PDE11A: variants seen among roughly 807,000 people sequenced by gnomAD.
The protein encoded by PDE11A is phosphodiesterase 11A.
A neutral mutation model predicts 100.5 loss-of-function variants in PDE11A; 100 were observed. The observed-to-expected ratio is 1.00, with a 90% CI of 0.85 to 1.18. The LOEUF is 1.18. PDE11A is among the 50% of genes most tolerant of loss of function. The pLI, the probability that PDE11A is intolerant of heterozygous loss-of-function variation, is 0.00. For missense variants in PDE11A, 1,141 were observed against 1,152.6 expected (o/e 0.99, Z 0.15); for synonymous variants, 381 against 420.8 (o/e 0.91, Z 1.16).
Position 178,061,209 on chromosome 2 carries a change from C to T in PDE11A, c.912+10317G>A, listed in dbSNP as rs375459168. Among the ~76,000 whole-genome samples the T allele has an allele frequency of 2.5e-4, 38 of 152,012 alleles. No individual in the cohort carries two copies. In the South Asian group the frequency reaches 5.8e-3, roughly 23 times the overall value. On this transcript the variant is annotated intron_variant, in intron 1 of 19. Coordinates refer to ENST00000286063, the MANE Select transcript of PDE11A (RefSeq NM_016953.4). ...CAGTATACGGTTCTTGCCAAATTATCCTATATCAGTTGTGGTTGGCAGAGT... is the reference window on the plus strand; with the variant it reads ...CAGTATACGGTTCTTGCCAAATTATTCTATATCAGTTGTGGTTGGCAGAGT...
chr2:177,842,167 C>T (rs2105627435), intron 5 of PDE11A, among the ~76,000 whole-genome samples: 1 of 152,324 alleles, frequency 6.6e-6, no homozygotes, highest in Admixed American at 6.5e-5. Context: ...GTTCTGTGAT[C>T]ACACCGTTTC....
intron 2 of PDE11A, among the ~76,000 whole-genome samples, chr2:177,992,747 T>C (rs2105811177): frequency 1.3e-5 from 2 of 152,236 alleles, no homozygotes; most frequent in South Asian, 4.1e-4. Context: ...TTTGACATAA[T>C]AGAACATTGA....
At chr2:177,726,934 G>A (rs533649184) in intron 12 of PDE11A, among the ~76,000 whole-genome samples, 1 of 152,016 alleles carries the variant, frequency 6.6e-6, no homozygotes, top group African/African-American at 2.4e-5. Flanking sequence ...AGAAAACATT[G>A]TACTTGATGA....
At chr2:178,105,848 G>T (rs11887974) in intron 1 of PDE11A, 1 of 360,322 alleles carries the variant, frequency 2.8e-6, no homozygotes, top group Non-Finnish European at 4.5e-6. Context: ...AAACACTTGC[G>T]GTTTCTGTCC....
chr2:177,626,609 T>C lies in PDE11A; in HGVS notation c.*2798A>G, dbSNP rs1347159956. ...TTTATAGCAGAGTGATACAGAAAAC[T>C]GGCTTAATAAAATCCATAAATCTGA... On this transcript the variant is annotated 3_prime_UTR_variant, in exon 20 of 20. Transcript: ENST00000286063. 2.0e-5 allele frequency: 3 copies of C among 152,662 alleles called. No individual in the cohort carries two copies. Among genetic ancestry groups the C allele is most frequent in the African/African-American group, 7.2e-5 (3 of 41,466 alleles). 9.5% of individuals were successfully genotyped at this position (152,662 alleles called of 1,614,324 possible).
intron 10 of PDE11A, among the ~76,000 whole-genome samples, chr2:177,736,481 C>G (rs958016589): frequency 6.7e-6 from 1 of 149,926 alleles, no homozygotes; most frequent in Non-Finnish European, 1.5e-5. Flanking sequence ...CACTGCACTC[C>G]AGCAGGGGTG....
intron 13 of PDE11A, among the ~76,000 whole-genome samples, chr2:177,706,236 A>G (rs2081277844): frequency 6.6e-6 from 1 of 152,210 alleles, no homozygotes; most frequent in African/African-American, 2.4e-5. Flanking sequence ...TCCCTTGCTA[A>G]ATGTCTCCTG....
At chr2:177,635,375 C>T (rs1373210483) in intron 19 of PDE11A, among the ~76,000 whole-genome samples, 2 of 152,122 alleles carry the variant, frequency 1.3e-5, no homozygotes, top group Non-Finnish European at 2.9e-5. Flanking sequence ...TCACTGGGGC[C>T]CCATGTTCCT....
intron 2 of PDE11A, among the ~76,000 whole-genome samples, chr2:177,970,922 G>A (rs2085761186): frequency 6.6e-6 from 1 of 152,160 alleles, no homozygotes; most frequent in African/African-American, 2.4e-5. Flanking sequence ...ACCATCAACT[G>A]CTTCAGAGAG....
intron 5 of PDE11A, among the ~76,000 whole-genome samples, chr2:177,866,031 C>A (rs1293572529): frequency 6.6e-6 from 1 of 151,962 alleles, no homozygotes; most frequent in Admixed American, 6.6e-5. Flanking sequence ...GAAAAAAAAA[C>A]TTAAAGATAA....
At chr2:177,959,905 G>T (rs992906187) in intron 2 of PDE11A, among the ~76,000 whole-genome samples, 8 of 152,058 alleles carry the variant, frequency 5.3e-5, no homozygotes, top group Non-Finnish European at 1.0e-4. Context: ...TAATGTTTAT[G>T]ATTAGAATAA....
chr2:177,728,216 T>C, intron 10 of PDE11A, 44 bp from the exon 11 acceptor site: 1 of 1,593,104 alleles, frequency 6.3e-7, no homozygotes, highest in Non-Finnish European at 8.6e-7. Context: ...TCACCAGCTT[T>C]CCCAAACCCC....
At chr2:177,881,370 T>C (rs546782445) in intron 4 of PDE11A, among the ~76,000 whole-genome samples, 1 of 151,870 alleles carries the variant, frequency 6.6e-6, no homozygotes, top group South Asian at 2.1e-4. Flanking sequence ...TATCTATCTA[T>C]CTATCTATCT....
At chr2:178,033,886 C>T (rs1032196517) in intron 1 of PDE11A, among the ~76,000 whole-genome samples, 1 of 152,116 alleles carries the variant, frequency 6.6e-6, no homozygotes, top group Admixed American at 6.5e-5. Flanking sequence ...TTACAAGACC[C>T]CTGAAGGAAG....
intron 1 of PDE11A, among the ~76,000 whole-genome samples, chr2:178,033,005 C>T (rs979695386): frequency 3.7e-4 from 57 of 152,178 alleles, no homozygotes; most frequent in African/African-American, 1.3e-3. Flanking sequence ...CAAGTGGTTA[C>T]AACCCCTCTC....
intron 19 of PDE11A, among the ~76,000 whole-genome samples, chr2:177,651,692 CT>C (rs1211620980): frequency 6.6e-6 from 1 of 151,874 alleles, no homozygotes; most frequent in Non-Finnish European, 1.5e-5. Context: ...CTCTTTTCTT[CT>C]TTAGATTTTT....
chr2:178,072,858 G>A, upstream of PDE11A: 3 of 1,157,688 alleles, frequency 2.6e-6, no homozygotes, highest in Non-Finnish European at 3.2e-6. Context: ...GAGGAGAGAA[G>A]AGGAGGGAGC....
rs561398011 is a variant in PDE11A at position 178,020,741 on chromosome 2, G to A, written c.913-6281C>T. Among the ~76,000 whole-genome samples the A allele has an allele frequency of 1.3e-3, 204 of 152,114 alleles. 1 individual carries two copies. The highest frequency in any genetic ancestry group is 0.01 in the Middle Eastern group (3 of 294). ...TGAACCCGAGAGGCAGAGGTTGCAG[G>A]GAGCCAAGATTGCGCCACTGCACTC... On this transcript the variant is annotated intron_variant, in intron 1 of 19. Transcript: ENST00000286063.
chr2:177,813,045 A>AGTGG, intron 9 of PDE11A, among the ~76,000 whole-genome samples: 8 of 152,238 alleles, frequency 5.3e-5, no homozygotes, highest in South Asian at 2.1e-4. Flanking sequence ...ACAAAGGTGG[A>AGTGG]AACTTGAGGC....
Sources: gnomAD v4.1 joint callset for allele counts (sites outside exome capture counted in the v4.1 genomes callset) on GRCh38, gnomAD v4.1.1 for gene constraint, MANE v1.5 for transcripts, NCBI Gene and HGNC (gene_info 2026-07-23, HGNC 2026-07-21) for gene names.